The following TAOK1 variants were observed in gnomAD, a reference collection of about 807,000 sequenced individuals.
The protein encoded by TAOK1 is TAO kinase 1.
TAOK1 carries 21 observed loss-of-function variants against 138.3 expected under a neutral mutation model. That is an observed-to-expected ratio of 0.15 (90% CI 0.11 to 0.22). The LOEUF (loss-of-function observed/expected upper bound fraction) is 0.22, where lower values mean the gene tolerates loss of function less well. TAOK1 is among the 10% of genes least tolerant of loss of function. TAOK1 has a pLI of 1.00. For missense variants in TAOK1, 651 were observed against 1,227.7 expected (o/e 0.53, Z 7.02); for synonymous variants, 361 against 398.4 (o/e 0.91, Z 1.12).
intron 1 of TAOK1, among the ~76,000 whole-genome samples, chr17:29,409,555 G>C (rs1444803254): frequency 1.3e-5 from 2 of 151,284 alleles, no homozygotes; most frequent in South Asian, 4.2e-4. Flanking sequence ...GGATGGTCTC[G>C]ATTTCCTGAC....
chr17:29,438,072 A>G (rs935581182), intron 1 of TAOK1, among the ~76,000 whole-genome samples: 4 of 152,176 alleles, frequency 2.6e-5, no homozygotes, highest in Non-Finnish European at 5.9e-5. Flanking sequence ...GATATGGTGG[A>G]TCAGCAATGT....
At chr17:29,471,124 C>T (rs1189826858) in intron 3 of TAOK1, among the ~76,000 whole-genome samples, 1 of 149,814 alleles carries the variant, frequency 6.7e-6, no homozygotes, top group Non-Finnish European at 1.5e-5. Context: ...TGCCACTGCA[C>T]TCCAGCCTGG....
At chr17:29,523,336 G>C (rs2031953869) in intron 17 of TAOK1, among the ~76,000 whole-genome samples, 1 of 151,316 alleles carries the variant, frequency 6.6e-6, no homozygotes, top group Admixed American at 6.6e-5. Context: ...CCAGCCACCT[G>C]GTCCATCTCC....
intron 2 of TAOK1, among the ~76,000 whole-genome samples, chr17:29,451,891 C>T (rs140281563): frequency 3.8e-4 from 58 of 152,222 alleles, no homozygotes; most frequent in African/African-American, 1.3e-3. Context: ...ATTTATTGAA[C>T]TTCTTGGATT....
chr17:29,402,742 T>G (rs1463495707), intron 1 of TAOK1, among the ~76,000 whole-genome samples: 1 of 152,104 alleles, frequency 6.6e-6, no homozygotes, highest in Non-Finnish European at 1.5e-5. Context: ...TTAAGTATAT[T>G]TTAAAAATGC....
intron 1 of TAOK1, among the ~76,000 whole-genome samples, chr17:29,437,302 T>G (rs1175397363): frequency 6.6e-6 from 1 of 151,992 alleles, no homozygotes; most frequent in East Asian, 1.9e-4. Flanking sequence ...GGCATTGTGA[T>G]CCGCCTGCCT....
intron 3 of TAOK1, among the ~76,000 whole-genome samples, chr17:29,472,748 A>AT (rs931579198): frequency 3.0e-4 from 44 of 147,214 alleles, no homozygotes; most frequent in Non-Finnish European, 4.7e-4. Context: ...CTCATTTTGT[A>AT]TTTTTTTAGT....
In TAOK1 at chr17:29,522,496, C is replaced by T. The variant is rs1347078601; in HGVS notation, c.2125C>T (p.Arg709Ter). 1.2e-6 allele frequency: 2 copies of T among 1,614,090 alleles called. No homozygotes were observed. The change falls in exon 17 of 20, where the codon CGA becomes TGA. Residue 709 changes from arginine (R) to a stop codon, truncating the protein, a stop_gained. Coordinates refer to ENST00000261716, the MANE Select transcript of TAOK1 (RefSeq NM_020791.4). LOFTEE classifies it high-confidence loss of function. ...ELRRKHVMEV[R>*]QQPKSLKSKE... Reference sequence around the variant, plus strand: ...AAGACGAAAGCATGTCATGGAAGTTCGACAACAGCCTAAGAGTTTGAAGGT... The same window carrying T: ...AAGACGAAAGCATGTCATGGAAGTTTGACAACAGCCTAAGAGTTTGAAGGT...
At position 29,504,003 on chromosome 17, in the gene TAOK1, C is replaced by T. The variant is rs186273563; in HGVS notation, c.1338+1280C>T. 9.2e-5 allele frequency among the ~76,000 whole-genome samples: 14 copies of T among 151,772 alleles called. No homozygotes were observed. The East Asian group carries it at 2.7e-3, about 30-fold the overall frequency. On this transcript the variant is annotated intron_variant, in intron 13 of 19. Coordinates refer to ENST00000261716, the MANE Select transcript of TAOK1 (RefSeq NM_020791.4). ...GCGTGTGCCTGTAATCCCAGGTACT[C>T]AGGAGGCTGAGGCTGGAGAATCGCT...
chr17:29,532,784 T>C (rs2150773652), intron 18 of TAOK1, among the ~76,000 whole-genome samples: 1 of 152,082 alleles, frequency 6.6e-6, no homozygotes. Flanking sequence ...TTTCTCAATC[T>C]TTTCCCTACC....
At chr17:29,491,136 C>T (rs1350644786) in intron 9 of TAOK1, among the ~76,000 whole-genome samples, 4 of 152,156 alleles carry the variant, frequency 2.6e-5, no homozygotes, top group South Asian at 2.1e-4. Context: ...TTCTTGCCTA[C>T]AAGGAACTTA....
chr17:29,398,261 G>A (rs1904724939), intron 1 of TAOK1, among the ~76,000 whole-genome samples: 1 of 152,052 alleles, frequency 6.6e-6, no homozygotes, highest in East Asian at 1.9e-4. Flanking sequence ...AGGCTGGAGT[G>A]CAATGGCATG....
intron 1 of TAOK1, among the ~76,000 whole-genome samples, chr17:29,448,377 G>A (rs2030148866): frequency 6.6e-6 from 1 of 152,120 alleles, no homozygotes; most frequent in Non-Finnish European, 1.5e-5. Flanking sequence ...GGTAAGATAT[G>A]TGATAGGCAT....
intron 2 of TAOK1, among the ~76,000 whole-genome samples, chr17:29,454,695 G>GT (rs1318988602): frequency 2.0e-5 from 3 of 151,108 alleles, no homozygotes; most frequent in East Asian, 1.9e-4. Context: ...AGGTTTTTTT[G>GT]TTTTTTTGTT....
chr17:29,502,928 C>CA (rs2031556738), intron 13 of TAOK1, among the ~76,000 whole-genome samples: 1 of 151,854 alleles, frequency 6.6e-6, no homozygotes, highest in Non-Finnish European at 1.5e-5. Flanking sequence ...GACACGTACA[C>CA]AAAAAACGAG....
intron 2 of TAOK1, among the ~76,000 whole-genome samples, chr17:29,462,205 A>T (rs1308030404): frequency 6.6e-6 from 1 of 152,230 alleles, no homozygotes; most frequent in Non-Finnish European, 1.5e-5. Flanking sequence ...ATTAAAAAAT[A>T]CTCAAATTGA....
chr17:29,433,862 AC>A (rs1348619951), intron 1 of TAOK1, among the ~76,000 whole-genome samples: 1 of 151,938 alleles, frequency 6.6e-6, no homozygotes, highest in Non-Finnish European at 1.5e-5. Context: ...ACGGACGAAG[AC>A]CGATCTTAAC....
intron 1 of TAOK1, among the ~76,000 whole-genome samples, chr17:29,402,289 T>TA (rs990727228): frequency 2.6e-5 from 4 of 152,072 alleles, no homozygotes; most frequent in Non-Finnish European, 4.4e-5. Context: ...TGCAGAATTT[T>TA]AAAAAAAGAA....
intron 17 of TAOK1, among the ~76,000 whole-genome samples, chr17:29,524,943 A>G (rs1335688628): frequency 6.6e-6 from 1 of 152,162 alleles, no homozygotes; most frequent in East Asian, 1.9e-4. Context: ...ACTTGCCTTC[A>G]TCTCGCTTTC....
Sources: gnomAD v4.1 joint callset for allele counts (sites outside exome capture counted in the v4.1 genomes callset) on GRCh38, gnomAD v4.1.1 for gene constraint, MANE v1.5 for transcripts, NCBI Gene and HGNC (gene_info 2026-07-23, HGNC 2026-07-21) for gene names.